Variants in JARID2 observed in about 807,000 individuals in gnomAD.
JARID2 encodes protein Jumonji.
A neutral mutation model predicts 125.6 loss-of-function variants in JARID2; 21 were observed. That is an observed-to-expected ratio of 0.17 (90% CI 0.12 to 0.24). JARID2 has a LOEUF of 0.24. JARID2 is among the 10% of genes least tolerant of loss of function. The probability of loss-of-function intolerance (pLI) is 1.00; values close to 1 mark genes in which losing one functional copy is unlikely to be tolerated. For synonymous variants in JARID2, 736 were observed against 661.6 expected, an observed-to-expected ratio of 1.11 and a Z score of -1.73; for missense variants, 1,303 against 1,639.6, an observed-to-expected ratio of 0.79 and a Z score of 3.55.
At chr6:15,357,854 C>T (rs1390705060) in intron 1 of JARID2, among the ~76,000 whole-genome samples, 1 of 152,172 alleles carries the variant, frequency 6.6e-6, no homozygotes, top group Admixed American at 6.5e-5. Context: ...CGGACACCCC[C>T]TTCTCTTGTT....
intron 1 of JARID2, among the ~76,000 whole-genome samples, chr6:15,336,805 C>T (rs1762893951): frequency 2.0e-5 from 3 of 152,032 alleles, no homozygotes; most frequent in South Asian, 2.1e-4. Context: ...ACCTTGGCCT[C>T]CCAAGGTGCT....
intron 1 of JARID2, among the ~76,000 whole-genome samples, chr6:15,317,194 A>T (rs928265839): frequency 1.1e-4 from 16 of 152,184 alleles, no homozygotes; most frequent in Non-Finnish European, 2.2e-4. Flanking sequence ...TCCCTCTGTG[A>T]AATCCCCTTG....
At chr6:15,441,988 G>T (rs1197438886) in intron 3 of JARID2, among the ~76,000 whole-genome samples, 1 of 151,742 alleles carries the variant, frequency 6.6e-6, no homozygotes, top group African/African-American at 2.4e-5. Context: ...GACCATGTTA[G>T]TCAGGCTGGT....
chr6:15,253,936 C>A (rs1377947186), intron 1 of JARID2, among the ~76,000 whole-genome samples: 1 of 152,110 alleles, frequency 6.6e-6, no homozygotes, highest in East Asian at 1.9e-4. Flanking sequence ...TTTGCTCCCC[C>A]CTTTTGAGTT....
chr6:15,311,771 TAA>T (rs1762022807), intron 1 of JARID2, among the ~76,000 whole-genome samples: 1 of 152,052 alleles, frequency 6.6e-6, no homozygotes, highest in African/African-American at 2.4e-5. Flanking sequence ...ATATTTTCCT[TAA>T]AAAATTTTTT....
intron 5 of JARID2, among the ~76,000 whole-genome samples, chr6:15,477,865 A>G (rs531511086): frequency 5.3e-5 from 8 of 152,290 alleles, no homozygotes; most frequent in Admixed American, 2.6e-4. Flanking sequence ...GGAAAACTCG[A>G]GAAAGTTTAT....
rs1274450432 is a variant in JARID2 at position 15,369,460 on chromosome 6, T to C, written c.46-4657T>C. ...CTAAAGGGCGTATTCCTGTGTCCTC[T>C]ATATTAAGCTGACCAGTAAACCAGA... is the stretch of plus-strand genomic sequence containing the variant. On this transcript the variant is annotated intron_variant, in intron 1 of 17. Transcript: ENST00000341776. The C allele has an allele frequency of 1.9e-5, 5 of 267,538 alleles. No homozygotes were observed. In the East Asian group the frequency reaches 4.1e-4, roughly 22 times the overall value. The allele number at this position is 267,538 out of a possible 1,614,324, so 16.6% of individuals were successfully genotyped here.
At chr6:15,304,785 T>C (rs868064951) in intron 1 of JARID2, among the ~76,000 whole-genome samples, 1 of 152,098 alleles carries the variant, frequency 6.6e-6, no homozygotes. Context: ...ATTATGAGCA[T>C]TTTCTGTTTT....
chr6:15,290,175 T>C (rs1761153804), intron 1 of JARID2, among the ~76,000 whole-genome samples: 1 of 152,248 alleles, frequency 6.6e-6, no homozygotes, highest in Non-Finnish European at 1.5e-5. Context: ...CTATAGCTTG[T>C]CCATTATTTT....
At position 15,512,965 on chromosome 6, in the gene JARID2, C is replaced by T; in HGVS notation, c.3186C>T (p.Leu1062=). The T allele has an allele frequency of 1.2e-6, 2 of 1,613,782 alleles. No individual in the cohort carries two copies. The highest frequency in any genetic ancestry group is 8.5e-7 in the Non-Finnish European group (1 of 1,179,896). The change falls in exon 15 of 18, where the codon CTC becomes CTT. Residue 1062 remains leucine (L), a synonymous_variant. Transcript: ENST00000341776. The part of the protein sequence containing the change: ...IAKPFSMEKL[L]YQIAQAEAKK... ...AGCCATTCTCCATGGAGAAGTTACT[C>T]TACCAGATTGCACAAGCAGAAGCAA...
chr6:15,440,564 TAGAA>T (rs1339014550), intron 3 of JARID2, among the ~76,000 whole-genome samples: 1 of 152,252 alleles, frequency 6.6e-6, no homozygotes, highest in Non-Finnish European at 1.5e-5. Flanking sequence ...TGGGTATTGT[TAGAA>T]AGGAAGTTGA....
intron 1 of JARID2, among the ~76,000 whole-genome samples, chr6:15,336,471 T>C (rs1762882843): frequency 6.6e-6 from 1 of 152,220 alleles, no homozygotes; most frequent in African/African-American, 2.4e-5. Flanking sequence ...AATTCTACAT[T>C]TAAGACAATA....
chr6:15,517,118 G>A, intron 16 of JARID2, 43 bp from the exon 17 acceptor site: 1 of 1,473,916 alleles, frequency 6.8e-7, no homozygotes, highest in Non-Finnish European at 9.5e-7. Flanking sequence ...AGGGCGCTGT[G>A]GAGCTGCCTC....
In JARID2 at chr6:15,332,930, CTTTTCTTTTTTTTTTTTTTT is replaced by C. The variant is rs529299033; in HGVS notation, c.46-41182_46-41163del. Among the ~76,000 whole-genome samples the C allele has an allele frequency of 4.8e-3, 395 of 82,854 alleles. 3 individuals are homozygous for C. The highest frequency in any genetic ancestry group is 0.017 in the African/African-American group (374 of 22,398). 54.4% of individuals were successfully genotyped at this position (82,854 alleles called of 152,430 possible). A position where few individuals can be genotyped will look rare whatever the true frequency, so the allele number is the denominator to read the frequency against. On this transcript the variant is annotated intron_variant, in intron 1 of 17. Transcript: ENST00000341776. ...TAAAATTTACCCTTTCTTTTCTTTT[CTTTTCTTTTTTTTTTTTTTT>C]TTTTTTTTGGAGACGGAGTCGCCCA...
intron 3 of JARID2, among the ~76,000 whole-genome samples, chr6:15,424,866 A>G (rs1458463204): frequency 8.5e-5 from 13 of 152,164 alleles, no homozygotes; most frequent in Non-Finnish European, 5.9e-5. Flanking sequence ...TCTCAAACAA[A>G]ACAAAACAAC....
rs1250238361 is a variant in JARID2, at chr6:15,460,449, G to A, written c.494-8093G>A. Among the ~76,000 whole-genome samples, 3 of 152,180 alleles carry A rather than the reference G, an allele frequency of 2.0e-5. No homozygotes were observed. The East Asian group carries it at 5.8e-4, about 29-fold the overall frequency. On this transcript the variant is annotated intron_variant, in intron 4 of 17. Coordinates refer to ENST00000341776, the MANE Select transcript of JARID2 (RefSeq NM_004973.4). ...TCCTTACTTTCTAGAGAGTCCTTGAGTCTTTCTGAAATCCACTTAGAGAAC... is the reference window on the plus strand; with the variant it reads ...TCCTTACTTTCTAGAGAGTCCTTGAATCTTTCTGAAATCCACTTAGAGAAC...
At chr6:15,385,151 T>C (rs1764737157) in intron 2 of JARID2, among the ~76,000 whole-genome samples, 14 of 152,220 alleles carry the variant, frequency 9.2e-5, no homozygotes, top group Admixed American at 8.5e-4. Context: ...GGCCCCCGTA[T>C]CACTCTGTTC....
chr6:15,383,564 A>C (rs925312161), intron 2 of JARID2, among the ~76,000 whole-genome samples: 8 of 152,040 alleles, frequency 5.3e-5, no homozygotes, highest in African/African-American at 1.9e-4. Flanking sequence ...CCCATAAGAA[A>C]ATGTCTAAAA....
chr6:15,512,457 C>T, intron 14 of JARID2, 67 bp downstream of exon 14: 2 of 1,445,378 alleles, frequency 1.4e-6, no homozygotes, highest in Non-Finnish European at 1.9e-6. Context: ...CGTGAGCGCA[C>T]ACAGAAGCAT....
Sources: gnomAD v4.1 joint callset for allele counts (sites outside exome capture counted in the v4.1 genomes callset) on GRCh38, gnomAD v4.1.1 for gene constraint, MANE v1.5 for transcripts, NCBI Gene and HGNC (gene_info 2026-07-23, HGNC 2026-07-21) for gene names.